Variants in HRAS observed in about 807,000 individuals in gnomAD.
HRAS encodes the protein GTPase HRas.
In HRAS, 11 loss-of-function variants were observed where a neutral mutation model predicts 19.8. The observed-to-expected ratio is 0.55, with a 90% CI of 0.35 to 0.92. The LOEUF (loss-of-function observed/expected upper bound fraction) is 0.92, where lower values mean the gene tolerates loss of function less well. Ranked by LOEUF, HRAS falls within the 40% of genes least tolerant of loss-of-function variation. The pLI is 0.01. For missense variants in HRAS, 204 were observed against 255.9 expected (o/e 0.80, Z 1.38); for synonymous variants, 149 against 105.5 (o/e 1.41, Z -2.52).
chr11:534,620 C>G, intron 1 of HRAS: 1 of 516,030 alleles, frequency 1.9e-6, no homozygotes, highest in East Asian at 3.3e-5. Context: ...AAAGGCAGGG[C>G]TGACAGCTGA....
At chr11:534,673 CAGAA>C (rs1320601914) in intron 1 of HRAS, 7 of 391,902 alleles carry the variant, frequency 1.8e-5, no homozygotes, top group Non-Finnish European at 2.9e-5. Context: ...GCTGGGTCGG[CAGAA>C]AGGCTAAAGG....
chr11:534,378 G>T lies in HRAS; in HGVS notation c.-53-3C>A. The T allele has an allele frequency of 7.2e-7, 1 of 1,390,526 alleles. No homozygotes were observed. Among genetic ancestry groups the T allele is most frequent in the Non-Finnish European group, 1.0e-6 (1 of 994,430 alleles). 86.1% of individuals were successfully genotyped at this position (1,390,526 alleles called of 1,614,324 possible). A position where few individuals can be genotyped will look rare whatever the true frequency, so the allele number is the denominator to read the frequency against. On this transcript the variant is annotated splice_region_variant and splice_polypyrimidine_tract_variant and intron_variant, in intron 1 of 5. Transcript: ENST00000311189. ...TCCTACAGGGTCTCCTGCCCCACCT[G>T]CCAAGGAGGGCCCTGCTCAGCCAGG...
chr11:534,682 TA>T, intron 1 of HRAS: 1 of 362,844 alleles, frequency 2.8e-6, no homozygotes, highest in South Asian at 3.1e-5. Context: ...GCAGAAAGGC[TA>T]AAGGGAGGCG....
In HRAS at chr11:533,654, C is replaced by T. The variant is rs1164193994; in HGVS notation, c.291-42G>A. 10 of 1,612,994 alleles carry T rather than the reference C, an allele frequency of 6.2e-6. No homozygotes were observed. The East Asian group carries it at 1.6e-4, about 25-fold the overall frequency. On this transcript the variant is annotated intron_variant, in intron 3 of 5. Coordinates refer to ENST00000311189, the MANE Select transcript of HRAS (RefSeq NM_005343.4). ...GAGAGCTGGCTACGGGGGCTGCAGG[C>T]GCAGCGGCATCCAGGACATGCGCAG...
rs45607337 is a variant in HRAS at position 532,803 on chromosome 11, G to A, written c.451-48C>T. 2.5e-3 allele frequency: 3,888 copies of A among 1,584,570 alleles called. 86 individuals carry two copies. In the African/African-American group the frequency reaches 0.046, roughly 19 times the overall value. ...AGGAGGGACCGGCCTGTGGCCGCCT[G>A]CCTGGGTGAGGGGCTCCCTGCTGTG... On this transcript the variant is annotated intron_variant, in intron 4 of 5. Transcript: ENST00000311189.
At chr11:534,831 T>A (rs113041184) in intron 1 of HRAS, among the ~76,000 whole-genome samples, 2 of 152,112 alleles carry the variant, frequency 1.3e-5, no homozygotes, top group South Asian at 4.1e-4. Flanking sequence ...GAGCGCCTAC[T>A]GCGTACTAGG....
In HRAS at chr11:534,209, C is replaced by T. The variant is rs2133994072; in HGVS notation, c.111+3G>A. 1 of 1,607,610 alleles carries T rather than the reference C, an allele frequency of 6.2e-7. No homozygotes were observed. Among genetic ancestry groups the T allele is most frequent in the South Asian group, 1.1e-5 (1 of 90,988 alleles). ...GGCACCTGGACGGCGGCGCCAGGCT[C>T]ACCTCTATAGTGGGGTCGTATTCGT... On this transcript the variant is annotated splice_donor_region_variant and intron_variant, in intron 2 of 5. Transcript: ENST00000311189.
Position 532,279 on chromosome 11 carries a change from G to A in HRAS, c.*249C>T. On this transcript the variant is annotated 3_prime_UTR_variant, in exon 6 of 6. Coordinates refer to ENST00000311189, the MANE Select transcript of HRAS (RefSeq NM_005343.4). ...AATAATTTACTGTGATCCCATCTGTGCCCGACAAGGGCCCACAGAGGCCTG... is the reference window on the plus strand; with the variant it reads ...AATAATTTACTGTGATCCCATCTGTACCCGACAAGGGCCCACAGAGGCCTG... 1 of 459,102 alleles carries A rather than the reference G, an allele frequency of 2.2e-6. No individual in the cohort carries two copies. The highest frequency in any genetic ancestry group is 2.4e-5 in the South Asian group (1 of 42,126). The allele number at this position is 459,102 out of a possible 1,614,324, so 28.4% of individuals were successfully genotyped here. A position where few individuals can be genotyped will look rare whatever the true frequency, so the allele number is the denominator to read the frequency against.
chr11:535,087 C>T (rs1223324985), intron 1 of HRAS, among the ~76,000 whole-genome samples: 3 of 151,990 alleles, frequency 2.0e-5, no homozygotes, highest in African/African-American at 7.2e-5. Context: ...GCCGTGGCCG[C>T]GGCCGCCTCC....
rs2133990154 is a variant in HRAS at position 533,804 on chromosome 11, G to A, written c.252C>T (p.Ile84=). The change falls in exon 3 of 6, where the codon ATC becomes ATT. Residue 84 remains isoleucine, a synonymous_variant. Transcript: ENST00000311189. ...TGTCCTCAAAAGACTTGGTGTTGTT[G>A]ATGGCAAACACACACAGGAAGCCCT... is the stretch of plus-strand genomic sequence containing the variant. ...TGEGFLCVFA[I]NNTKSFEDIH... The A allele has an allele frequency of 6.2e-7, 1 of 1,613,400 alleles. No individual in the cohort carries two copies. The highest frequency in any genetic ancestry group is 1.1e-5 in the South Asian group (1 of 91,088).
intron 1 of HRAS, 112 bp downstream of exon 1, chr11:535,289 CCCGCCGCCGCCGCCG>C (rs113931482): frequency 1.4e-4 from 20 of 141,270 alleles, no homozygotes; most frequent in African/African-American, 2.1e-4. Flanking sequence ...GCCCCACCCA[CCCGCCGCCGCCGCCG>C]CCGCCGCCGC....
At chr11:534,601 C>A (rs1851340963) in intron 1 of HRAS, 2 of 549,166 alleles carry the variant, frequency 3.6e-6, no homozygotes, top group Non-Finnish European at 6.6e-6. Flanking sequence ...GAAAAGGGAC[C>A]CAGCCCTCAA....
chr11:534,005 C>T (rs1851293271), intron 2 of HRAS, 61 bp from the exon 3 acceptor site: 2 of 1,547,716 alleles, frequency 1.3e-6, no homozygotes, highest in Non-Finnish European at 1.8e-6. Flanking sequence ...GTTCACACAG[C>T]CAGCCTCTCC....
rs1851154050 is a variant in HRAS, at chr11:532,405, T to G, written c.*123A>C. ...GGTCTGCAGTCACCTCGGCCCACGG[T>G]CCCGGGGTGACTGGGCTCCAGCAGC... On this transcript the variant is annotated 3_prime_UTR_variant, in exon 6 of 6. Coordinates refer to ENST00000311189, the MANE Select transcript of HRAS (RefSeq NM_005343.4). 1 of 633,560 alleles carries G rather than the reference T, an allele frequency of 1.6e-6. No homozygotes were observed. The highest frequency in any genetic ancestry group is 2.8e-6 in the Non-Finnish European group (1 of 362,944). The allele number at this position is 633,560 out of a possible 1,614,324, so 39.2% of individuals were successfully genotyped here. A position where few individuals can be genotyped will look rare whatever the true frequency, so the allele number is the denominator to read the frequency against.
At chr11:533,328 C>G (rs750721065) in intron 4 of HRAS, 125 bp downstream of exon 4, 1 of 1,604,010 alleles carries the variant, frequency 6.2e-7, no homozygotes, top group South Asian at 1.1e-5. Flanking sequence ...CAGAGGGTCC[C>G]GGAGCTGGAG....
intron 1 of HRAS, 134 bp from the exon 2 acceptor site, chr11:534,509 C>T: frequency 1.6e-6 from 1 of 608,592 alleles, no homozygotes; most frequent in Non-Finnish European, 2.9e-6. Context: ...AGGACTGCAG[C>T]GTGCCTACCT....
Position 532,729 on chromosome 11 carries a change from C to T in HRAS, c.477G>A (p.Leu159=), listed in dbSNP as rs140060409. Residue 159 remains leucine (L), a synonymous_variant, in exon 5 of 6, where the codon TTG becomes TTA. Coordinates refer to ENST00000311189, the MANE Select transcript of HRAS (RefSeq NM_005343.4). The part of the protein sequence containing the change: ...RQGVEDAFYT[L]VREIRQHKLR... ...GCTTGTGCTGCCGGATCTCACGCACCAACGTGTAGAAGGCATCCTCCACTC... is the reference window on the plus strand; with the variant it reads ...GCTTGTGCTGCCGGATCTCACGCACTAACGTGTAGAAGGCATCCTCCACTC... The T allele has an allele frequency of 3.6e-3, 5,744 of 1,613,094 alleles. 17 individuals are homozygous for T. The highest frequency in any genetic ancestry group is 4.6e-3 in the Non-Finnish European group (5,377 of 1,179,994).
chr11:532,706 T>C lies in HRAS; in HGVS notation c.500A>G (p.Lys167Arg). 6.2e-7 allele frequency: 1 copy of C among 1,613,168 alleles called. No individual in the cohort carries two copies. The highest frequency in any genetic ancestry group is 8.5e-7 in the Non-Finnish European group (1 of 1,179,956). ...ATCAGGAGGGTTCAGCTTCCGCAGC[T>C]TGTGCTGCCGGATCTCACGCACCAA... ...YTLVREIRQH[K>R]LRKLNPPDES... Residue 167 changes from lysine (K) to arginine (R), a missense_variant, in exon 5 of 6, where the codon AAG (lysine) becomes AGG (arginine). Physicochemically the swap from Lys to Arg is conservative, Grantham distance 26. Coordinates refer to ENST00000311189, the MANE Select transcript of HRAS (RefSeq NM_005343.4).
chr11:532,686 G>C lies in HRAS; in HGVS notation c.520C>G (p.Pro174Ala). Reference sequence around the variant, plus strand: ...ATGCAGCCGGGGCCACTCTCATCAGGAGGGTTCAGCTTCCGCAGCTTGTGC... The same window carrying C: ...ATGCAGCCGGGGCCACTCTCATCAGCAGGGTTCAGCTTCCGCAGCTTGTGC... ...RQHKLRKLNP[P>A]DESGPGCMSC... Residue 174 changes from proline to alanine, a missense_variant, in exon 5 of 6, where the codon CCT (proline) becomes GCT (alanine). Around this residue, in one of 4 missense-constraint regions of HRAS, gnomAD observed 142 missense variants for 141.1 expected, o/e 1.01. Coordinates refer to ENST00000311189, the MANE Select transcript of HRAS (RefSeq NM_005343.4). 6.2e-7 allele frequency: 1 copy of C among 1,613,164 alleles called. No homozygotes were observed.
Sources: allele counts gnomAD v4.1 joint callset (sites outside exome capture counted in the v4.1 genomes callset), GRCh38; gene constraint gnomAD v4.1.1; regional missense constraint gnomAD v4.1.1; transcripts MANE v1.5; gene names NCBI Gene and HGNC (gene_info 2026-07-23, HGNC 2026-07-21).